The following AKR1C3 variants were observed in gnomAD, a reference collection of about 807,000 sequenced individuals.
AKR1C3 encodes the protein aldo-keto reductase family 1 member C3, also known as 3-alpha hydroxysteroid dehydrogenase, type II.
A neutral mutation model predicts 43.6 loss-of-function variants in AKR1C3; 48 were observed. The observed-to-expected ratio is 1.10, with a 90% CI of 0.87 to 1.40. The LOEUF is 1.40. Among genes scored for constraint, AKR1C3 ranks in the 40% most tolerant of loss-of-function variants. The pLI is 0.00. For synonymous variants in AKR1C3, 162 were observed against 139.6 expected (o/e 1.16, Z -1.13); for missense variants, 482 against 391.2 (o/e 1.23, Z -1.96).
At chr10:5,054,561 C>A (rs1554779342) in intron 1 of AKR1C3, among the ~76,000 whole-genome samples, 1 of 152,176 alleles carries the variant, frequency 6.6e-6, no homozygotes, top group Non-Finnish European at 1.5e-5. Context: ...GTAGACAGAA[C>A]TTTATCCTGG....
intron 1 of AKR1C3, among the ~76,000 whole-genome samples, chr10:5,053,166 G>C (rs2186176): frequency 0.053 from 8,143 of 152,332 alleles, 284 homozygotes; most frequent in East Asian, 0.16. Flanking sequence ...CACTTGGGTG[G>C]TTGATGGGAC....
chr10:5,098,370 CT>C (rs1839264503), intron 3 of AKR1C3, among the ~76,000 whole-genome samples: 2 of 152,208 alleles, frequency 1.3e-5, no homozygotes, highest in African/African-American at 4.8e-5. Context: ...CTCCCAACTT[CT>C]GCTGACCCTA....
chr10:5,107,408 C>T, intron 8 of AKR1C3, 53 bp from the exon 9 acceptor site: 1 of 1,260,474 alleles, frequency 7.9e-7, no homozygotes, highest in Non-Finnish European at 1.2e-6. Flanking sequence ...CACTTTACTA[C>T]TCCCCTAGTA....
chr10:5,088,921 T>C (rs782185187), intron 1 of AKR1C3, among the ~76,000 whole-genome samples: 34 of 152,210 alleles, frequency 2.2e-4, no homozygotes, highest in Non-Finnish European at 3.7e-4. Context: ...CTTCATGTCC[T>C]TTTATGATGG....
chr10:5,049,011 G>GGGAAAC, intron 1 of AKR1C3: 1 of 750,048 alleles, frequency 1.3e-6, no homozygotes, highest in Non-Finnish European at 2.3e-6. Flanking sequence ...TCCAACCTGA[G>GGGAAAC]TTTCCCTAGG....
chr10:5,058,988 C>T (rs148292764), intron 1 of AKR1C3, among the ~76,000 whole-genome samples: 16 of 152,270 alleles, frequency 1.1e-4, no homozygotes, highest in South Asian at 4.1e-4. Context: ...CTTACCCTGA[C>T]GGAGGTAAGG....
At position 5,080,363 on chromosome 10, in the gene AKR1C3, T is replaced by A. The variant is rs1356255399; in HGVS notation, c.85-16047T>A. 4.6e-5 allele frequency among the ~76,000 whole-genome samples: 7 copies of A among 152,168 alleles called. No homozygotes were observed. The East Asian group carries it at 7.7e-4, about 17-fold the overall frequency. Reference sequence around the variant, plus strand: ...GCCTGGCTGGGTGCGGTAGCTAATGTCTGTAATCCCAGCATGTTGGAAGGC... The same window carrying A: ...GCCTGGCTGGGTGCGGTAGCTAATGACTGTAATCCCAGCATGTTGGAAGGC... On this transcript the variant is annotated intron_variant, in intron 1 of 8. Coordinates refer to the AKR1C3 transcript ENST00000439082.
intron 1 of AKR1C3, among the ~76,000 whole-genome samples, chr10:5,074,294 ACTCT>A (rs782058980): frequency 6.6e-6 from 1 of 152,138 alleles, no homozygotes; most frequent in African/African-American, 2.4e-5. Context: ...GGCAAAATAA[ACTCT>A]CTATATTAAC....
intron 1 of AKR1C3, chr10:5,077,494 G>C (rs1838739391): frequency 5.9e-6 from 1 of 169,322 alleles, no homozygotes; most frequent in Non-Finnish European, 1.2e-5. Flanking sequence ...CCCTAGCTAA[G>C]TACTTTATTC....
chr10:5,084,206 T>C (rs1838906388), intron 1 of AKR1C3, among the ~76,000 whole-genome samples: 1 of 152,144 alleles, frequency 6.6e-6, no homozygotes, highest in African/African-American at 2.4e-5. Flanking sequence ...TTTTTATGGC[T>C]TTAGGTCTAC....
intron 1 of AKR1C3, among the ~76,000 whole-genome samples, chr10:5,067,333 G>A (rs1214126847): frequency 6.6e-6 from 1 of 152,170 alleles, no homozygotes; most frequent in African/African-American, 2.4e-5. Context: ...CATCAAGGAT[G>A]CCATCTTCAT....
intron 1 of AKR1C3, among the ~76,000 whole-genome samples, chr10:5,060,818 T>C (rs10795237): frequency 0.57 from 86,106 of 151,740 alleles, 25,372 homozygotes; most frequent in East Asian, 0.79. Flanking sequence ...CTGCAGATCC[T>C]GAGCCCTGCC....
intron 1 of AKR1C3, among the ~76,000 whole-genome samples, chr10:5,068,648 A>G (rs1838558927): frequency 6.6e-6 from 1 of 152,218 alleles, no homozygotes; most frequent in Non-Finnish European, 1.5e-5. Flanking sequence ...GTGTTCTGAT[A>G]AGATTAGAAT....
intron 5 of AKR1C3, 58 bp downstream of exon 5, chr10:5,099,507 T>C: frequency 6.2e-7 from 1 of 1,610,144 alleles, no homozygotes; most frequent in Non-Finnish European, 8.5e-7. Context: ...TCCTGTCCTA[T>C]TGCCAAATAT....
At chr10:5,091,790 G>A (rs150264506), upstream of AKR1C3, among the ~76,000 whole-genome samples, 539 of 152,022 alleles carry the variant, frequency 3.5e-3, 5 homozygotes, top group African/African-American at 0.011. Flanking sequence ...ATACTTACTT[G>A]TACACATTTG....
At chr10:5,106,468 T>C (rs1369670467) in intron 8 of AKR1C3, among the ~76,000 whole-genome samples, 1 of 152,152 alleles carries the variant, frequency 6.6e-6, no homozygotes, top group Non-Finnish European at 1.5e-5. Flanking sequence ...CAGGAAGTTA[T>C]GGCCGGGCGC....
In AKR1C3 at chr10:5,102,477, C is replaced by T; in HGVS notation, c.681-8C>T. 1.3e-6 allele frequency: 2 copies of T among 1,528,178 alleles called. No homozygotes were observed. The highest frequency in any genetic ancestry group is 1.3e-5 in the South Asian group (1 of 76,502). 94.7% of individuals were successfully genotyped at this position (1,528,178 alleles called of 1,614,324 possible). ...TCAGGGCCTCAGCCTTTCTGCCTTT[C>T]CTTCCAGGGTGGACCCGAACTCCCC... On this transcript the variant is annotated splice_region_variant and splice_polypyrimidine_tract_variant and intron_variant, in intron 6 of 8. Coordinates refer to ENST00000380554, the MANE Select transcript of AKR1C3 (RefSeq NM_003739.6).
chr10:5,080,396 A>G (rs1554782235), intron 1 of AKR1C3, among the ~76,000 whole-genome samples: 1 of 152,096 alleles, frequency 6.6e-6, no homozygotes, highest in East Asian at 1.9e-4. Context: ...GGCTAAGGCA[A>G]GTGGATTGCT....
intron 1 of AKR1C3, among the ~76,000 whole-genome samples, chr10:5,057,773 G>T (rs192574304): frequency 6.6e-6 from 1 of 152,060 alleles, no homozygotes. Flanking sequence ...CCCTTTCTTC[G>T]GCTGTCATGC....
Sources: gnomAD v4.1 joint callset for allele counts (sites outside exome capture counted in the v4.1 genomes callset) on GRCh38, gnomAD v4.1.1 for gene constraint, MANE v1.5 for transcripts, NCBI Gene and HGNC (gene_info 2026-07-23, HGNC 2026-07-21) for gene names.